Variants in XKR9 observed in about 807,000 individuals in gnomAD.
The protein encoded by XKR9 is XK-related protein 9.
A neutral mutation model predicts 32.0 loss-of-function variants in XKR9; 32 were observed. The ratio of observed to expected loss-of-function variants is 1.00; its 90% CI spans 0.76 to 1.34. The LOEUF is 1.34. Ranked by LOEUF, XKR9 falls within the 40% of genes most tolerant of loss-of-function variation. The pLI, the probability that XKR9 is intolerant of heterozygous loss-of-function variation, is 0.00. For missense variants in XKR9, 546 were observed against 429.7 expected (o/e 1.27, Z -2.39); for synonymous variants, 168 against 143.4 (o/e 1.17, Z -1.22).
At chr8:70,711,398 G>A (rs1280963124) in intron 4 of XKR9, among the ~76,000 whole-genome samples, 1 of 152,096 alleles carries the variant, frequency 6.6e-6, no homozygotes, top group African/African-American at 2.4e-5. Flanking sequence ...TTGTGAATTG[G>A]ATAAAGAAAA....
the XKR9 span, among the ~76,000 whole-genome samples, chr8:70,880,979 C>T: frequency 1.3e-5 from 2 of 152,100 alleles, no homozygotes; most frequent in African/African-American, 2.4e-5. Flanking sequence ...CATCTACAGC[C>T]ATCTGATCTT....
At chr8:70,721,133 G>GAA (rs1335605415) in intron 4 of XKR9, among the ~76,000 whole-genome samples, 2 of 152,116 alleles carry the variant, frequency 1.3e-5, no homozygotes, top group Admixed American at 1.3e-4. Context: ...AGTTTTGTGT[G>GAA]ATCAGTGGTG....
the XKR9 span, among the ~76,000 whole-genome samples, chr8:70,887,696 G>T: frequency 6.6e-6 from 1 of 151,970 alleles, no homozygotes; most frequent in Non-Finnish European, 1.5e-5. Flanking sequence ...GTCATGAATA[G>T]GAGTTCACTC....
chr8:70,710,716 C>G lies in XKR9; in HGVS notation c.493+3563C>G, dbSNP rs372902046. 5.9e-3 allele frequency among the ~76,000 whole-genome samples: 894 copies of G among 151,762 alleles called. 12 individuals carry two copies. Among genetic ancestry groups the G allele is most frequent in the African/African-American group, 0.021 (855 of 41,386 alleles). ...GAGACTCCATCTCAAACAACAACAA[C>G]AACAACAAAAACAAATAAACAAACA... On this transcript the variant is annotated intron_variant, in intron 4 of 4. Transcript: ENST00000408926.
At chr8:70,747,317 T>A (rs1263922326) in intron 2 of XKR9, among the ~76,000 whole-genome samples, 1 of 152,228 alleles carries the variant, frequency 6.6e-6, no homozygotes, top group African/African-American at 2.4e-5. Context: ...CTTTTAGTTC[T>A]TTGAGAAATC....
intron 3 of XKR9, among the ~76,000 whole-genome samples, chr8:70,692,070 C>T (rs1443925019): frequency 1.3e-5 from 2 of 151,846 alleles, no homozygotes; most frequent in African/African-American, 2.4e-5. Flanking sequence ...TTGCTTGTGT[C>T]TTCTTTGATT....
chr8:71,011,538 A>C, the XKR9 span, among the ~76,000 whole-genome samples: 2 of 152,338 alleles, frequency 1.3e-5, no homozygotes, highest in East Asian at 3.9e-4. Context: ...ATGGCATGTT[A>C]AGCATAAAGT....
At chr8:70,817,389 A>T in the XKR9 span, among the ~76,000 whole-genome samples, 1 of 152,156 alleles carries the variant, frequency 6.6e-6, no homozygotes, top group African/African-American at 2.4e-5. Context: ...TCACACAAAG[A>T]AATAAAATAC....
the XKR9 span, among the ~76,000 whole-genome samples, chr8:70,899,163 T>TA: frequency 6.6e-6 from 1 of 152,126 alleles, no homozygotes; most frequent in Admixed American, 6.6e-5. Flanking sequence ...CTTCCAAGAT[T>TA]AAAAAAATTT....
the XKR9 span, among the ~76,000 whole-genome samples, chr8:70,841,692 T>G: frequency 3.3e-5 from 5 of 152,218 alleles, no homozygotes; most frequent in Non-Finnish European, 5.9e-5. Flanking sequence ...TCCTTCAATT[T>G]GAGTTTTCAA....
chr8:70,807,839 TATTAGACAGATCAACAAGACAGAAA>T, the XKR9 span, among the ~76,000 whole-genome samples: 35 of 152,212 alleles, frequency 2.3e-4, no homozygotes, highest in African/African-American at 8.2e-4. Flanking sequence ...CCACTGTCAA[TATTAGACAGATCAACAAGACAGAAA>T]ATTAACAAGG....
At chr8:70,868,586 A>T in the XKR9 span, among the ~76,000 whole-genome samples, 6 of 151,926 alleles carry the variant, frequency 3.9e-5, no homozygotes, top group Non-Finnish European at 7.4e-5. Flanking sequence ...TAGCACGAGG[A>T]CCCTGGGCCC....
chr8:70,698,635 G>T (rs1273287086), intron 3 of XKR9, among the ~76,000 whole-genome samples: 3 of 152,068 alleles, frequency 2.0e-5, no homozygotes, highest in African/African-American at 7.2e-5. Flanking sequence ...TAGGTGTGGT[G>T]TGGTGCTGAA....
chr8:70,970,068 G>T, the XKR9 span, among the ~76,000 whole-genome samples: 1 of 152,136 alleles, frequency 6.6e-6, no homozygotes, highest in African/African-American at 2.4e-5. Context: ...TGCTGCAAAT[G>T]CCATTATTTT....
chr8:70,918,717 C>CA, the XKR9 span, among the ~76,000 whole-genome samples: 79 of 139,182 alleles, frequency 5.7e-4, no homozygotes, highest in African/African-American at 1.9e-3. Context: ...AAAACAAAAA[C>CA]AAAAAACTAG....
At chr8:70,673,339 C>G (rs186660666) in intron 1 of XKR9, among the ~76,000 whole-genome samples, 1 of 152,118 alleles carries the variant, frequency 6.6e-6, no homozygotes, top group Admixed American at 6.5e-5. Context: ...CCTCATTTGG[C>G]AGATGAAGGA....
At chr8:70,907,192 A>G in the XKR9 span, among the ~76,000 whole-genome samples, 1 of 152,206 alleles carries the variant, frequency 6.6e-6, no homozygotes, top group African/African-American at 2.4e-5. Flanking sequence ...CTAGTGACAT[A>G]TAAGGATTCT....
chr8:70,977,298 C>G, the XKR9 span, among the ~76,000 whole-genome samples: 1 of 152,024 alleles, frequency 6.6e-6, no homozygotes, highest in African/African-American at 2.4e-5. Flanking sequence ...AACGTGTTTG[C>G]TCTTGCTTCT....
At chr8:70,828,869 C>G in the XKR9 span, among the ~76,000 whole-genome samples, 1 of 152,056 alleles carries the variant, frequency 6.6e-6, no homozygotes, top group Non-Finnish European at 1.5e-5. Context: ...AAAGTCAAGT[C>G]CCATTCTAAG....
Sources: gnomAD v4.1 joint callset for allele counts (sites outside exome capture counted in the v4.1 genomes callset) on GRCh38, gnomAD v4.1.1 for gene constraint, MANE v1.5 for transcripts, NCBI Gene and HGNC (gene_info 2026-07-23, HGNC 2026-07-21) for gene names.